LRPAP1: variants seen among roughly 807,000 people sequenced by gnomAD.
LRPAP1 encodes alpha-2-macroglobulin receptor-associated protein.
A neutral mutation model predicts 39.9 loss-of-function variants in LRPAP1; 41 were observed. The ratio of observed to expected loss-of-function variants is 1.03; its 90% CI spans 0.80 to 1.33. The LOEUF is 1.33. LRPAP1 is among the 40% of genes most tolerant of loss of function. The pLI is 0.00. For missense variants in LRPAP1, 565 were observed against 482.3 expected, an observed-to-expected ratio of 1.17 and a Z score of -1.61; for synonymous variants, 263 against 212.7, an observed-to-expected ratio of 1.24 and a Z score of -2.06.
chr4:3,528,535 T>C (rs1730145977), intron 1 of LRPAP1, among the ~76,000 whole-genome samples: 1 of 152,168 alleles, frequency 6.6e-6, no homozygotes, highest in African/African-American at 2.4e-5. Flanking sequence ...CACCGCACAG[T>C]TCAGGCTGGG....
Position 3,531,999 on chromosome 4 carries a change from C to T in LRPAP1, c.204+210G>A, listed in dbSNP as rs990611792. 6.9e-5 allele frequency: 42 copies of T among 607,008 alleles called. No homozygotes were observed. In the African/African-American group the frequency reaches 7.9e-4, roughly 11 times the overall value. 37.6% of individuals were successfully genotyped at this position (607,008 alleles called of 1,614,324 possible). On this transcript the variant is annotated intron_variant, in intron 1 of 7. Coordinates refer to ENST00000650182, the MANE Select transcript of LRPAP1 (RefSeq NM_002337.4). ...GGCCGCCACCTGCTTCACACGGCGT[C>T]GTCGCCGGCACGGGTACCTTTCCTG... is the stretch of plus-strand genomic sequence containing the variant.
At position 3,512,969 on chromosome 4, in the gene LRPAP1, T is replaced by C. The variant is rs148120809; in HGVS notation, c.*5A>G. On this transcript the variant is annotated 3_prime_UTR_variant, in exon 8 of 8. Transcript: ENST00000650182. Reference sequence around the variant, plus strand: ...TTCCCTGCCGGGCTGGGCTCCCCAATGCCTTCAGAGTTCGTTGTGCCGAGC... The same window carrying C: ...TTCCCTGCCGGGCTGGGCTCCCCAACGCCTTCAGAGTTCGTTGTGCCGAGC... 7,749 of 1,609,468 alleles carry C rather than the reference T, an allele frequency of 4.8e-3. 29 individuals carry two copies. Among genetic ancestry groups the C allele is most frequent in the Non-Finnish European group, 6.0e-3 (7,020 of 1,178,220 alleles).
rs572809345 is a variant in LRPAP1, at chr4:3,506,883, A to G, written c.*6091T>C. On this transcript the variant is annotated 3_prime_UTR_variant, in exon 8 of 8. Transcript: ENST00000650182. ...GAGGATCGGAAATTATTCACAACAC[A>G]TATCTGAGGAAGGACTCACACCTAG... 1 of 152,364 alleles carries G rather than the reference A, an allele frequency of 6.6e-6. No homozygotes were observed. Among genetic ancestry groups the G allele is most frequent in the African/African-American group, 2.4e-5 (1 of 41,584 alleles). 9.4% of individuals were successfully genotyped at this position (152,364 alleles called of 1,614,324 possible).
chr4:3,521,210 G>A (rs915341762), intron 2 of LRPAP1, among the ~76,000 whole-genome samples: 3 of 152,164 alleles, frequency 2.0e-5, no homozygotes, highest in Non-Finnish European at 2.9e-5. Flanking sequence ...ATTCTCCCAG[G>A]GCCCCGCCTC....
intron 1 of LRPAP1, among the ~76,000 whole-genome samples, chr4:3,527,944 C>A (rs2237011): frequency 0.2 from 29,925 of 152,162 alleles, 3,629 homozygotes; most frequent in East Asian, 0.5. Context: ...TCTGATTCCC[C>A]AACTCTCAGG....
intron 1 of LRPAP1, among the ~76,000 whole-genome samples, chr4:3,528,974 A>G (rs1186889241): frequency 6.6e-6 from 1 of 152,082 alleles, no homozygotes; most frequent in Admixed American, 6.5e-5. Context: ...CAGACCTCTG[A>G]GAACAAGATG....
Position 3,531,504 on chromosome 4 carries a change from C to G in LRPAP1, c.204+705G>C, listed in dbSNP as rs10031720. Among the ~76,000 whole-genome samples, 1,324 of 152,256 alleles carry G rather than the reference C, an allele frequency of 8.7e-3. 21 individuals carry two copies. Among genetic ancestry groups the G allele is most frequent in the African/African-American group, 0.03 (1,250 of 41,536 alleles). On this transcript the variant is annotated intron_variant, in intron 1 of 7. Coordinates refer to ENST00000650182, the MANE Select transcript of LRPAP1 (RefSeq NM_002337.4). Reference sequence around the variant, plus strand: ...CAGGAACACCTAACAAATGAAGCAACCGTATCTTAATGAAGAGAGCAGCTG... The same window carrying G: ...CAGGAACACCTAACAAATGAAGCAAGCGTATCTTAATGAAGAGAGCAGCTG...
At chr4:3,519,067 C>T in intron 3 of LRPAP1, 76 bp from the exon 4 acceptor site, 1 of 1,573,098 alleles carries the variant, frequency 6.4e-7, no homozygotes, top group East Asian at 2.3e-5. Context: ...CCAACCACTC[C>T]TCATGGCCAG....
intron 1 of LRPAP1, among the ~76,000 whole-genome samples, chr4:3,525,311 T>A (rs960983681): frequency 1.3e-5 from 2 of 152,150 alleles, no homozygotes; most frequent in Admixed American, 1.3e-4. Context: ...CGGCTGCTCA[T>A]TCCTGTCCGG....
chr4:3,529,775 A>G (rs781210492), intron 1 of LRPAP1, among the ~76,000 whole-genome samples: 5 of 152,212 alleles, frequency 3.3e-5, no homozygotes, highest in Admixed American at 6.5e-5. Flanking sequence ...AGCCCATCAA[A>G]GGCAAAGGTT....
Position 3,503,975 on chromosome 4 carries a change from C to CGGGGCTCAGGTCCTAG in LRPAP1, c.*8983_*8998dup, listed in dbSNP as rs1275900473. 1 of 152,380 alleles carries CGGGGCTCAGGTCCTAG rather than the reference C, an allele frequency of 6.6e-6. No homozygotes were observed. Among genetic ancestry groups the CGGGGCTCAGGTCCTAG allele is most frequent in the Admixed American group, 6.5e-5 (1 of 15,290 alleles). The allele number at this position is 152,380 out of a possible 1,614,324, so 9.4% of individuals were successfully genotyped here. On this transcript the variant is annotated 3_prime_UTR_variant, in exon 8 of 8. Coordinates refer to ENST00000650182, the MANE Select transcript of LRPAP1 (RefSeq NM_002337.4). ...CCAGGGCGTGGCCAGTCCAGGCTTACGGGGCTCAGGTCCTAGGGGGCTGAC... is the reference window on the plus strand; with the variant it reads ...CCAGGGCGTGGCCAGTCCAGGCTTACGGGGCTCAGGTCCTAGGGGGCTCAGGTCCTAGGGGGCTGAC...
chr4:3,520,759 A>C (rs1028804826), intron 2 of LRPAP1, among the ~76,000 whole-genome samples: 2 of 152,254 alleles, frequency 1.3e-5, no homozygotes, highest in African/African-American at 4.8e-5. Context: ...AGCAGCTTCT[A>C]ACAAAAAGTT....
chr4:3,527,155 C>A (rs549734974), intron 1 of LRPAP1, among the ~76,000 whole-genome samples: 99 of 152,212 alleles, frequency 6.5e-4, no homozygotes, highest in African/African-American at 2.4e-3. Context: ...TTGTCCCAAC[C>A]TGAAAACCCT....
At position 3,529,044 on chromosome 4, in the gene LRPAP1, GTGCCTCCTGGGACTACACC is replaced by G. The variant is rs1431336352; in HGVS notation, c.204+3146_204+3164del. On this transcript the variant is annotated intron_variant, in intron 1 of 7. Coordinates refer to ENST00000650182, the MANE Select transcript of LRPAP1 (RefSeq NM_002337.4). ...CAGAACTAAGGACTGTCTGCGTGCG[GTGCCTCCTGGGACTACACC>G]TGTAATCCCAACACTTTAGGAGGCA... Among the ~76,000 whole-genome samples, 4 of 152,124 alleles carry G rather than the reference GTGCCTCCTGGGACTACACC, an allele frequency of 2.6e-5. No individual in the cohort carries two copies. The East Asian group carries it at 7.7e-4, about 29-fold the overall frequency.
At chr4:3,525,114 C>T (rs1173597834) in intron 1 of LRPAP1, 63 bp from the exon 2 acceptor site, 3 of 1,598,126 alleles carry the variant, frequency 1.9e-6, no homozygotes, top group Non-Finnish European at 2.6e-6. Context: ...CAGCGAGAAA[C>T]TGACCTCGGA....
intron 1 of LRPAP1, among the ~76,000 whole-genome samples, chr4:3,527,759 C>A (rs1730124109): frequency 6.6e-6 from 1 of 152,196 alleles, no homozygotes; most frequent in Non-Finnish European, 1.5e-5. Context: ...GCTGAAGACC[C>A]AGGGCTGCTG....
chr4:3,521,267 A>T (rs1282072350), intron 2 of LRPAP1, among the ~76,000 whole-genome samples: 1 of 152,176 alleles, frequency 6.6e-6, no homozygotes, highest in Non-Finnish European at 1.5e-5. Context: ...GAGGGCCCCG[A>T]GTAGGCCTCT....
chr4:3,516,045 C>G, intron 6 of LRPAP1, 71 bp downstream of exon 6: 2 of 1,442,010 alleles, frequency 1.4e-6, no homozygotes, highest in Non-Finnish European at 9.5e-7. Context: ...GGCTGCATTT[C>G]CTTACCCGGA....
intron 2 of LRPAP1, among the ~76,000 whole-genome samples, chr4:3,522,929 C>A (rs1729964048): frequency 6.6e-6 from 1 of 152,174 alleles, no homozygotes; most frequent in African/African-American, 2.4e-5. Context: ...TGGTATCACA[C>A]TTGATAATGG....
Sources: gnomAD v4.1 joint callset for allele counts (sites outside exome capture counted in the v4.1 genomes callset) on GRCh38, gnomAD v4.1.1 for gene constraint, MANE v1.5 for transcripts, NCBI Gene and HGNC (gene_info 2026-07-23, HGNC 2026-07-21) for gene names.